The following B3GLCT variants were observed in gnomAD, a reference collection of about 807,000 sequenced individuals.
B3GLCT encodes the protein beta 3-glucosyltransferase.
In B3GLCT, 65 loss-of-function variants were observed where a neutral mutation model predicts 63.4. The ratio of observed to expected loss-of-function variants is 1.03; its 90% CI spans 0.84 to 1.26. The LOEUF (loss-of-function observed/expected upper bound fraction) is 1.26. Among genes scored for constraint, B3GLCT ranks in the 50% most tolerant of loss-of-function variants. The pLI is 0.00. For missense variants in B3GLCT, 577 were observed against 604.8 expected, an observed-to-expected ratio of 0.95 and a Z score of 0.48; for synonymous variants, 233 against 219.2, an observed-to-expected ratio of 1.06 and a Z score of -0.55.
At chr13:31,256,944 G>A (rs1467257928) in intron 6 of B3GLCT, among the ~76,000 whole-genome samples, 1 of 151,842 alleles carries the variant, frequency 6.6e-6, no homozygotes, top group Non-Finnish European at 1.5e-5. Flanking sequence ...TAAGATGCTA[G>A]TGGAACACTG....
chr13:31,233,146 T>A (rs115757511), intron 4 of B3GLCT, among the ~76,000 whole-genome samples: 1,898 of 152,332 alleles, frequency 0.012, 43 homozygotes, highest in African/African-American at 0.044. Context: ...AATGAAAATT[T>A]AAGTAACTTA....
At chr13:31,263,774 AG>A (rs1168135998) in intron 7 of B3GLCT, among the ~76,000 whole-genome samples, 8 of 152,148 alleles carry the variant, frequency 5.3e-5, no homozygotes, top group Admixed American at 2.0e-4. Flanking sequence ...TCTGTTGACA[AG>A]GGAAGGTAGC....
intron 1 of B3GLCT, among the ~76,000 whole-genome samples, chr13:31,210,847 G>A (rs1243719022): frequency 6.6e-6 from 1 of 152,014 alleles, no homozygotes; most frequent in Non-Finnish European, 1.5e-5. Context: ...TGGATACAAG[G>A]AGTCCTCCCA....
intron 4 of B3GLCT, among the ~76,000 whole-genome samples, chr13:31,238,249 A>G (rs1045791700): frequency 6.6e-6 from 1 of 152,260 alleles, no homozygotes; most frequent in Non-Finnish European, 1.5e-5. Flanking sequence ...AACATTTTTC[A>G]TCATTACAGC....
intron 6 of B3GLCT, among the ~76,000 whole-genome samples, chr13:31,257,940 A>G (rs912605): frequency 0.97 from 147,541 of 152,262 alleles, 71,530 homozygotes; most frequent in East Asian, 1. Context: ...CCACAAGGAG[A>G]TGATGTTCTT....
At chr13:31,317,505 A>C in intron 12 of B3GLCT, 61 bp from the exon 13 acceptor site, 2 of 1,602,012 alleles carry the variant, frequency 1.2e-6, no homozygotes, top group East Asian at 4.5e-5. Context: ...AGAACCATAA[A>C]CTGTTCCATA....
intron 3 of B3GLCT, among the ~76,000 whole-genome samples, chr13:31,225,505 C>T (rs972704105): frequency 1.3e-5 from 2 of 152,202 alleles, no homozygotes; most frequent in Non-Finnish European, 2.9e-5. Flanking sequence ...CTGTTTTCAG[C>T]ACCGAACTGT....
chr13:31,233,561 G>C (rs1325450686), intron 4 of B3GLCT, among the ~76,000 whole-genome samples: 1 of 152,138 alleles, frequency 6.6e-6, no homozygotes, highest in Non-Finnish European at 1.5e-5. Flanking sequence ...CTTGGTTGAA[G>C]CTGACCTACA....
chr13:31,211,481 A>G (rs1201365595), intron 1 of B3GLCT, among the ~76,000 whole-genome samples: 1 of 152,150 alleles, frequency 6.6e-6, no homozygotes, highest in Non-Finnish European at 1.5e-5. Context: ...ACTCTGATGC[A>G]TTTTTTATGT....
At chr13:31,254,611 A>T (rs1185297282) in intron 6 of B3GLCT, among the ~76,000 whole-genome samples, 1 of 152,220 alleles carries the variant, frequency 6.6e-6, no homozygotes, top group African/African-American at 2.4e-5. Flanking sequence ...CAAGACAAGG[A>T]TGCTCTTCCT....
At chr13:31,318,632 G>A (rs1377862603) in intron 13 of B3GLCT, among the ~76,000 whole-genome samples, 1 of 152,156 alleles carries the variant, frequency 6.6e-6, no homozygotes. Flanking sequence ...GGAGTCCAGG[G>A]AGGCCTTTGA....
At chr13:31,298,698 G>T (rs950579432) in intron 12 of B3GLCT, among the ~76,000 whole-genome samples, 4 of 152,128 alleles carry the variant, frequency 2.6e-5, no homozygotes, top group African/African-American at 9.7e-5. Context: ...GGTTTAGACT[G>T]CAGGCAACAA....
chr13:31,215,421 A>G (rs979922999), intron 2 of B3GLCT, among the ~76,000 whole-genome samples: 2 of 151,584 alleles, frequency 1.3e-5, no homozygotes, highest in African/African-American at 2.4e-5. Flanking sequence ...ACCTTTTTTT[A>G]TTTCTTTTTT....
At chr13:31,272,021 C>A (rs1872591261) in intron 8 of B3GLCT, among the ~76,000 whole-genome samples, 1 of 151,830 alleles carries the variant, frequency 6.6e-6, no homozygotes, top group Non-Finnish European at 1.5e-5. Context: ...TTGTCTTTTT[C>A]TTTCAATCCT....
At chr13:31,257,119 T>C (rs898470376) in intron 6 of B3GLCT, among the ~76,000 whole-genome samples, 6 of 152,130 alleles carry the variant, frequency 3.9e-5, no homozygotes, top group African/African-American at 1.4e-4. Flanking sequence ...AAAACAATCA[T>C]ATACTATATA....
chr13:31,205,561 AG>A (rs1212880014), intron 1 of B3GLCT, among the ~76,000 whole-genome samples: 1 of 152,070 alleles, frequency 6.6e-6, no homozygotes, highest in East Asian at 1.9e-4. Context: ...TCCGTCTAAA[AG>A]AAAAAAAAAA....
intron 4 of B3GLCT, among the ~76,000 whole-genome samples, chr13:31,231,080 T>A (rs1042273283): frequency 1.3e-5 from 2 of 152,138 alleles, no homozygotes; most frequent in Non-Finnish European, 2.9e-5. Flanking sequence ...TAAATCTTCC[T>A]GGATTTTATT....
intron 6 of B3GLCT, among the ~76,000 whole-genome samples, chr13:31,254,285 T>C (rs913494980): frequency 1.3e-5 from 2 of 152,188 alleles, no homozygotes; most frequent in Non-Finnish European, 1.5e-5. Context: ...TCCTCAATGC[T>C]GGCAAATCGA....
At chr13:31,297,157 C>T (rs1432644106) in intron 12 of B3GLCT, among the ~76,000 whole-genome samples, 1 of 151,960 alleles carries the variant, frequency 6.6e-6, no homozygotes, top group Non-Finnish European at 1.5e-5. Context: ...ATGGATAGAC[C>T]ATATTTTGCT....
Sources: gnomAD v4.1 joint callset for allele counts (sites outside exome capture counted in the v4.1 genomes callset) on GRCh38, gnomAD v4.1.1 for gene constraint, MANE v1.5 for transcripts, NCBI Gene and HGNC (gene_info 2026-07-23, HGNC 2026-07-21) for gene names.